The following SND1 variants were observed in gnomAD, a reference collection of about 807,000 sequenced individuals.
SND1 encodes the protein staphylococcal nuclease and tudor domain containing 1.
In SND1, 38 loss-of-function variants were observed where a neutral mutation model predicts 121.7. That is an observed-to-expected ratio of 0.31 (90% CI 0.24 to 0.41). The LOEUF is 0.41. SND1 is among the 10% of genes least tolerant of loss of function. The pLI, the probability that SND1 is intolerant of heterozygous loss-of-function variation, is 1.00. For synonymous variants in SND1, 401 were observed against 447.4 expected (o/e 0.90, Z 1.31); for missense variants, 868 against 1,184.6 (o/e 0.73, Z 3.92).
chr7:127,679,146 G>A (rs1478484392), intron 1 of SND1: 4 of 152,134 alleles, frequency 2.6e-5, no homozygotes, highest in Non-Finnish European at 4.4e-5. Context: ...TATTGCTTCT[G>A]GCCATTTTCA....
chr7:127,742,184 A>G (rs773819277), intron 10 of SND1, among the ~76,000 whole-genome samples: 1 of 152,212 alleles, frequency 6.6e-6, no homozygotes, highest in Non-Finnish European at 1.5e-5. Flanking sequence ...CTGCATGAAC[A>G]CTGGGCTGAT....
chr7:127,786,492 G>C (rs946997137), intron 10 of SND1, among the ~76,000 whole-genome samples: 1 of 152,168 alleles, frequency 6.6e-6, no homozygotes, highest in Non-Finnish European at 1.5e-5. Context: ...TGGAGATCAG[G>C]ATTTGGGGTA....
Position 127,929,069 on chromosome 7 carries a change from AT to A in SND1, c.1528-118del. 5 of 933,942 alleles carry A rather than the reference AT, an allele frequency of 5.4e-6. No individual in the cohort carries two copies. The East Asian group carries it at 1.2e-4, about 23-fold the overall frequency. The allele number at this position is 933,942 out of a possible 1,614,324, so 57.9% of individuals were successfully genotyped here. On this transcript the variant is annotated intron_variant, in intron 14 of 23. Coordinates refer to ENST00000354725, the MANE Select transcript of SND1 (RefSeq NM_014390.4). ...TCATGTCTATGTCTTGGTTTCAGAAATGTCTATAAATAGGGTTATTTGCTTA... is the reference window on the plus strand; with the variant it reads ...TCATGTCTATGTCTTGGTTTCAGAAAGTCTATAAATAGGGTTATTTGCTTA...
chr7:127,813,215 G>A (rs1311973949), intron 11 of SND1, among the ~76,000 whole-genome samples: 3 of 152,216 alleles, frequency 2.0e-5, no homozygotes, highest in East Asian at 3.8e-4. Context: ...GGAAGTGGTA[G>A]TAATGTGTCA....
chr7:127,861,840 G>A (rs746769262), intron 12 of SND1, among the ~76,000 whole-genome samples: 5 of 152,168 alleles, frequency 3.3e-5, no homozygotes, highest in Admixed American at 1.3e-4. Flanking sequence ...TCTGGAGGCC[G>A]TGATTTTCAC....
At chr7:127,976,548 G>A (rs2116894359) in intron 15 of SND1, among the ~76,000 whole-genome samples, 1 of 152,354 alleles carries the variant, frequency 6.6e-6, no homozygotes, top group African/African-American at 2.4e-5. Context: ...GTGCACTGCT[G>A]TGCCTTCCCT....
chr7:127,959,857 G>C (rs1801686599), intron 15 of SND1, among the ~76,000 whole-genome samples: 1 of 152,186 alleles, frequency 6.6e-6, no homozygotes, highest in African/African-American at 2.4e-5. Flanking sequence ...CATATTTGTT[G>C]AATGAATTGG....
chr7:128,056,198 T>C (rs1562884556), intron 16 of SND1, among the ~76,000 whole-genome samples: 2 of 152,252 alleles, frequency 1.3e-5, no homozygotes. Flanking sequence ...AAGGAGCTAT[T>C]GGTCTTTCCT....
At chr7:127,902,115 C>G (rs146008475) in intron 13 of SND1, among the ~76,000 whole-genome samples, 1 of 152,310 alleles carries the variant, frequency 6.6e-6, no homozygotes, top group African/African-American at 2.4e-5. Context: ...TTTCCCACCT[C>G]ACTGCTTTTG....
intron 10 of SND1, among the ~76,000 whole-genome samples, chr7:127,746,527 C>T (rs188603932): frequency 6.6e-6 from 1 of 152,120 alleles, no homozygotes; most frequent in Non-Finnish European, 1.5e-5. Context: ...GTCACAGACT[C>T]ATCAGAGGAG....
intron 4 of SND1, among the ~76,000 whole-genome samples, chr7:127,700,358 A>G (rs1796079537): frequency 6.6e-6 from 1 of 152,140 alleles, no homozygotes; most frequent in Non-Finnish European, 1.5e-5. Flanking sequence ...AGAGGTGAAG[A>G]CTTCTGGCTT....
In SND1 at chr7:128,092,402, C is replaced by G. The variant is rs933044766; in HGVS notation, c.*344C>G. On this transcript the variant is annotated 3_prime_UTR_variant, in exon 24 of 24. Transcript: ENST00000354725. The surrounding 1 kb of genome is among the most constrained non-coding windows in gnomAD (Gnocchi z 4.9). ...TAGTGGAGGGAGTAATCCTAACACC[C>G]AGGCTGGCCGCCAGCTGGCACCTGC... 7.2e-6 allele frequency: 2 copies of G among 278,300 alleles called. No individual in the cohort carries two copies. The highest frequency in any genetic ancestry group is 4.3e-5 in the African/African-American group (2 of 46,492). The allele number at this position is 278,300 out of a possible 1,614,324, so 17.2% of individuals were successfully genotyped here.
chr7:127,881,744 A>AT (rs928220946), intron 12 of SND1, among the ~76,000 whole-genome samples: 4 of 151,844 alleles, frequency 2.6e-5, no homozygotes, highest in Non-Finnish European at 5.9e-5. Flanking sequence ...AATGGAAACA[A>AT]TTTTTTTTGT....
At chr7:127,824,126 T>G (rs1400273333) in intron 11 of SND1, among the ~76,000 whole-genome samples, 1 of 152,250 alleles carries the variant, frequency 6.6e-6, no homozygotes, top group Non-Finnish European at 1.5e-5. Context: ...TGCTATATTT[T>G]TATACTATCC....
intron 12 of SND1, among the ~76,000 whole-genome samples, chr7:127,868,614 C>G (rs1466285044): frequency 6.6e-6 from 1 of 152,128 alleles, no homozygotes; most frequent in African/African-American, 2.4e-5. Flanking sequence ...GTCTACCACC[C>G]TAGAGGTCCT....
chr7:127,938,487 A>G (rs913565179), intron 15 of SND1, among the ~76,000 whole-genome samples: 1 of 152,224 alleles, frequency 6.6e-6, no homozygotes, highest in Non-Finnish European at 1.5e-5. Context: ...AGAGCAAATA[A>G]CAATTGTTGA....
intron 16 of SND1, among the ~76,000 whole-genome samples, chr7:128,071,443 C>G (rs964196971): frequency 2.0e-5 from 3 of 152,134 alleles, no homozygotes; most frequent in African/African-American, 7.2e-5. Context: ...CTGTGTCTAT[C>G]TTTTAATTAA....
chr7:127,669,894 A>G (rs1389412667), intron 1 of SND1, among the ~76,000 whole-genome samples: 1 of 152,212 alleles, frequency 6.6e-6, no homozygotes, highest in African/African-American at 2.4e-5. Flanking sequence ...GCAGATTAAC[A>G]TAGAGAATTT....
At chr7:127,861,602 G>C (rs1197511901) in intron 12 of SND1, among the ~76,000 whole-genome samples, 1 of 152,160 alleles carries the variant, frequency 6.6e-6, no homozygotes, top group South Asian at 2.1e-4. Flanking sequence ...AGCCTCCCAA[G>C]TAGCTGGGAT....
Sources: gnomAD v4.1 joint callset for allele counts (sites outside exome capture counted in the v4.1 genomes callset) on GRCh38, gnomAD v4.1.1 for gene constraint, Gnocchi (gnomAD v3.1) non-coding constraint, MANE v1.5 for transcripts, NCBI Gene and HGNC (gene_info 2026-07-23, HGNC 2026-07-21) for gene names.